Variants in ITGA1 observed in about 807,000 individuals in gnomAD.
ITGA1 encodes the protein integrin subunit alpha 1.
ITGA1 carries 85 observed loss-of-function variants against 145.9 expected under a neutral mutation model. The ratio of observed to expected loss-of-function variants is 0.58; its 90% CI spans 0.49 to 0.70. ITGA1 has a LOEUF of 0.70. Ranked by LOEUF, ITGA1 falls within the 30% of genes least tolerant of loss-of-function variation. The pLI is 0.00. For synonymous variants in ITGA1, 520 were observed against 495.3 expected (o/e 1.05, Z -0.66); for missense variants, 1,351 against 1,418.7 (o/e 0.95, Z 0.77).
At chr5:52,849,022 G>A (rs1749383687) in intron 1 of ITGA1, among the ~76,000 whole-genome samples, 1 of 152,100 alleles carries the variant, frequency 6.6e-6, no homozygotes. Flanking sequence ...ATTGTGAACA[G>A]TGCCACAATA....
chr5:52,861,293 C>T (rs912019454), intron 2 of ITGA1, among the ~76,000 whole-genome samples, 154 bp from the exon 3 acceptor site: 2 of 152,104 alleles, frequency 1.3e-5, no homozygotes, highest in Admixed American at 6.5e-5. Flanking sequence ...GAGGTAGGCT[C>T]TCTGCTTAGT....
chr5:52,861,479 C>G lies in ITGA1; in HGVS notation c.215C>G (p.Pro72Arg). 6.2e-7 allele frequency: 1 copy of G among 1,613,306 alleles called. No homozygotes were observed. Among genetic ancestry groups the G allele is most frequent in the Non-Finnish European group, 8.5e-7 (1 of 1,179,672 alleles). Residue 72 changes from proline to arginine, a missense_variant, in exon 3 of 29, where the codon CCC (proline) becomes CGC (arginine). Transcript: ENST00000282588. ...VLIGSPLVGQ[P>R]KNRTGDVYKC... is the part of the protein sequence containing the mutation. ...ATTGGTTCTCCGTTAGTTGGCCAAC[C>G]CAAAAACAGAACTGGAGATGTCTAT... is the stretch of plus-strand genomic sequence containing the variant.
At chr5:52,942,318 T>C (rs565049419) in intron 26 of ITGA1, among the ~76,000 whole-genome samples, 1 of 152,196 alleles carries the variant, frequency 6.6e-6, no homozygotes, top group Non-Finnish European at 1.5e-5. Context: ...TGAAAAATGA[T>C]GTTGGTACTT....
intron 1 of ITGA1, among the ~76,000 whole-genome samples, chr5:52,823,869 A>T (rs868185604): frequency 6.6e-6 from 1 of 152,232 alleles, no homozygotes; most frequent in Non-Finnish European, 1.5e-5. Context: ...TGACTTTTGT[A>T]TGTCTGTGGT....
intron 28 of ITGA1, among the ~76,000 whole-genome samples, chr5:52,949,758 G>C (rs1751190450): frequency 6.6e-6 from 1 of 152,142 alleles, no homozygotes; most frequent in Non-Finnish European, 1.5e-5. Flanking sequence ...TATCAAGAAG[G>C]CTAATCCCAC....
intron 1 of ITGA1, among the ~76,000 whole-genome samples, chr5:52,839,030 G>A (rs1012694407): frequency 1.3e-5 from 2 of 152,152 alleles, no homozygotes; most frequent in Non-Finnish European, 2.9e-5. Flanking sequence ...TGGCGAGGCC[G>A]AGGCTGCAGT....
In ITGA1 at chr5:52,858,230, T is replaced by C. The variant is rs1392909471; in HGVS notation, c.183-3217T>C. On this transcript the variant is annotated intron_variant, in intron 2 of 28. Coordinates refer to ENST00000282588, the MANE Select transcript of ITGA1 (RefSeq NM_181501.2). ...TTTAATAGCTTCATTGGTTCCCAAC[T>C]TCCCCCTACATAGAATAAAGCCAAA... Among the ~76,000 whole-genome samples, 6 of 152,306 alleles carry C rather than the reference T, an allele frequency of 3.9e-5. No individual in the cohort carries two copies. The East Asian group carries it at 9.6e-4, about 24-fold the overall frequency.
chr5:52,883,631 G>A (rs1750000221), intron 7 of ITGA1, among the ~76,000 whole-genome samples: 1 of 151,910 alleles, frequency 6.6e-6, no homozygotes, highest in Admixed American at 6.6e-5. Flanking sequence ...TCAAAGTTTT[G>A]TGTGTGTGTG....
intron 28 of ITGA1, among the ~76,000 whole-genome samples, chr5:52,948,202 G>A (rs375303059): frequency 6.6e-6 from 1 of 152,014 alleles, no homozygotes; most frequent in African/African-American, 2.4e-5. Flanking sequence ...ACAGCTTTTG[G>A]GATAAGTTGA....
chr5:52,941,936 C>G (rs1751059503), intron 26 of ITGA1, among the ~76,000 whole-genome samples: 1 of 152,012 alleles, frequency 6.6e-6, no homozygotes, highest in Non-Finnish European at 1.5e-5. Context: ...TTTAATTTGT[C>G]TTGGTTAGTT....
At chr5:52,804,871 G>C (rs1454974112) in intron 1 of ITGA1, among the ~76,000 whole-genome samples, 38 of 152,044 alleles carry the variant, frequency 2.5e-4, no homozygotes, top group Admixed American at 2.5e-3. Context: ...TGATTTTAAG[G>C]GCTTGAGGAG....
chr5:52,888,520 C>G (rs796706818), intron 8 of ITGA1, among the ~76,000 whole-genome samples: 18 of 146,224 alleles, frequency 1.2e-4, no homozygotes, highest in African/African-American at 4.5e-4. Flanking sequence ...TTAACAACTT[C>G]TGACGTTTGA....
rs573479466 is a variant in ITGA1, at chr5:52,911,637, T to C, written c.1857+1218T>C. 1.9e-3 allele frequency among the ~76,000 whole-genome samples: 187 copies of C among 96,394 alleles called. 3 individuals are homozygous for C. Among genetic ancestry groups the C allele is most frequent in the Non-Finnish European group, 3.0e-3 (140 of 46,780 alleles). The allele number at this position is 96,394 out of a possible 152,430, so 63.2% of individuals were successfully genotyped here. The stretch of plus-strand genomic sequence containing the variant: ...TAGTGTATCTACTATATATACTATA[T>C]ATAGTGTATCTACTATATATACTAT... On this transcript the variant is annotated intron_variant, in intron 14 of 28. Coordinates refer to ENST00000282588, the MANE Select transcript of ITGA1 (RefSeq NM_181501.2).
At chr5:52,870,313 G>A (rs1223211174) in intron 6 of ITGA1, among the ~76,000 whole-genome samples, 1 of 152,134 alleles carries the variant, frequency 6.6e-6, no homozygotes, top group Non-Finnish European at 1.5e-5. Flanking sequence ...CTCTGTTTCT[G>A]AAAGGAACAG....
chr5:52,851,295 G>A (rs975981367), intron 2 of ITGA1, among the ~76,000 whole-genome samples: 1 of 152,122 alleles, frequency 6.6e-6, no homozygotes, highest in Admixed American at 6.6e-5. Flanking sequence ...ATGAACCTTA[G>A]TAGAGTGAAA....
intron 19 of ITGA1, among the ~76,000 whole-genome samples, chr5:52,926,994 G>A (rs144109155): frequency 6.6e-5 from 10 of 151,992 alleles, no homozygotes; most frequent in African/African-American, 1.9e-4. Flanking sequence ...GTTTATTTAC[G>A]TGGCAGTGTT....
chr5:52,857,612 A>G (rs938856826), intron 2 of ITGA1, among the ~76,000 whole-genome samples: 1 of 152,024 alleles, frequency 6.6e-6, no homozygotes, highest in African/African-American at 2.4e-5. Flanking sequence ...GGTTTCTGTG[A>G]CACTGCTGTT....
chr5:52,929,232 C>T (rs1479857743), intron 20 of ITGA1, among the ~76,000 whole-genome samples: 1 of 152,076 alleles, frequency 6.6e-6, no homozygotes, highest in Non-Finnish European at 1.5e-5. Flanking sequence ...TTCAATGCAT[C>T]CTGAGATAGC....
chr5:52,886,933 C>T (rs1322975567), intron 7 of ITGA1, among the ~76,000 whole-genome samples: 3 of 152,156 alleles, frequency 2.0e-5, no homozygotes, highest in Non-Finnish European at 2.9e-5. Context: ...CGCCCGCCAC[C>T]GCACCCGGCT....
Sources: allele counts gnomAD v4.1 joint callset (sites outside exome capture counted in the v4.1 genomes callset), GRCh38; gene constraint gnomAD v4.1.1; transcripts MANE v1.5; gene names NCBI Gene and HGNC (gene_info 2026-07-23, HGNC 2026-07-21).